The following TMEM255B variants were observed in gnomAD, a reference collection of about 807,000 sequenced individuals.
The protein encoded by TMEM255B is family with sequence similarity 70, member B.
Under a neutral mutation model 34.5 loss-of-function variants are expected in TMEM255B, and 35 were observed. That is an observed-to-expected ratio of 1.01 (90% CI 0.77 to 1.34). The LOEUF (loss-of-function observed/expected upper bound fraction) is 1.34. Ranked by LOEUF, TMEM255B falls within the 40% of genes most tolerant of loss-of-function variation. The pLI is 0.00. For missense variants in TMEM255B, 432 were observed against 433.2 expected, an observed-to-expected ratio of 1.00 and a Z score of 0.02; for synonymous variants, 206 against 201.2, an observed-to-expected ratio of 1.02 and a Z score of -0.20.
At chr13:113,776,432 G>A (rs1398833948) in intron 3 of TMEM255B, among the ~76,000 whole-genome samples, 13 of 152,290 alleles carry the variant, frequency 8.5e-5, no homozygotes, top group African/African-American at 3.1e-4. Flanking sequence ...TCTGCGGGCG[G>A]CACCTGCTTC....
At chr13:113,781,181 T>C (rs948906657) in intron 3 of TMEM255B, among the ~76,000 whole-genome samples, 18 of 152,230 alleles carry the variant, frequency 1.2e-4, no homozygotes, top group Non-Finnish European at 1.0e-4. Context: ...TTTATAACTC[T>C]TTACAATTTT....
chr13:113,762,526 G>A (rs2050325474), intron 1 of TMEM255B, among the ~76,000 whole-genome samples: 1 of 152,206 alleles, frequency 6.6e-6, no homozygotes, highest in Non-Finnish European at 1.5e-5. Flanking sequence ...TTAGACTCAG[G>A]AAAGAGGGGT....
intron 1 of TMEM255B, among the ~76,000 whole-genome samples, chr13:113,759,824 C>T (rs1386800362): frequency 1.3e-5 from 2 of 152,198 alleles, no homozygotes; most frequent in African/African-American, 4.8e-5. Flanking sequence ...GGTTTCGGCT[C>T]GCCCCTCTCT....
At chr13:113,782,737 A>G (rs935383295) in intron 3 of TMEM255B, among the ~76,000 whole-genome samples, 9 of 151,482 alleles carry the variant, frequency 5.9e-5, no homozygotes, top group African/African-American at 2.2e-4. Flanking sequence ...GGAGCCGTCC[A>G]TTTTCCAGTG....
intron 4 of TMEM255B, among the ~76,000 whole-genome samples, chr13:113,796,911 G>A (rs957488689): frequency 1.3e-4 from 20 of 152,044 alleles, no homozygotes; most frequent in African/African-American, 3.6e-4. Flanking sequence ...ACACACGTGC[G>A]TGCGCACGCA....
chr13:113,784,809 G>T (rs561338828), intron 3 of TMEM255B, among the ~76,000 whole-genome samples: 3 of 151,862 alleles, frequency 2.0e-5, no homozygotes, highest in African/African-American at 7.2e-5. Context: ...AGCCTGGGAC[G>T]AGCTGCCACT....
At chr13:113,811,182 GGT>G (rs1164384959) in intron 8 of TMEM255B, among the ~76,000 whole-genome samples, 1 of 119,752 alleles carries the variant, frequency 8.4e-6, no homozygotes, top group African/African-American at 3.3e-5. Context: ...GGGTCTGTGG[GGT>G]GGGGGCCAGT....
intron 2 of TMEM255B, chr13:113,768,272 G>GT (rs1390214626): frequency 2.1e-6 from 1 of 467,322 alleles, no homozygotes; most frequent in Non-Finnish European, 4.5e-6. Flanking sequence ...TTCGGTGGGT[G>GT]TTGCTGAAAT....
intron 7 of TMEM255B, among the ~76,000 whole-genome samples, chr13:113,803,919 C>CG (rs71105214): frequency 6.7e-6 from 1 of 150,006 alleles, no homozygotes; most frequent in Non-Finnish European, 1.5e-5. Context: ...ACCGTGTCCC[C>CG]GGGTTGTCAC....
intron 8 of TMEM255B, among the ~76,000 whole-genome samples, chr13:113,810,212 C>T (rs985929603): frequency 1.2e-4 from 19 of 152,176 alleles, no homozygotes; most frequent in Admixed American, 8.5e-4. Flanking sequence ...ACCCTGCAGG[C>T]TGGGGCAAGA....
At chr13:113,782,718 T>A (rs932865354) in intron 3 of TMEM255B, among the ~76,000 whole-genome samples, 6 of 151,528 alleles carry the variant, frequency 4.0e-5, no homozygotes, top group African/African-American at 1.5e-4. Context: ...GGGGAAGGTG[T>A]CCCTGTTGGG....
chr13:113,812,225 A>T lies in TMEM255B; in HGVS notation c.*322A>T. The T allele has an allele frequency of 2.6e-6, 1 of 379,088 alleles. No individual in the cohort carries two copies. Among genetic ancestry groups the T allele is most frequent in the Middle Eastern group, 7.4e-4 (1 of 1,352 alleles). The allele number at this position is 379,088 out of a possible 1,614,324, so 23.5% of individuals were successfully genotyped here. On this transcript the variant is annotated 3_prime_UTR_variant, in exon 9 of 9. Transcript: ENST00000375353. ...CCTTAATTAATTAGCTATTATTATG[A>T]TTTTGCAAAGACAGTGCAGCCCCGG...
intron 2 of TMEM255B, chr13:113,768,027 A>C (rs1461413126): frequency 2.8e-6 from 1 of 359,682 alleles, no homozygotes; most frequent in South Asian, 2.2e-5. Context: ...CACCACAGAC[A>C]CACAGACAAT....
At chr13:113,788,486 C>A (rs1463126266) in intron 3 of TMEM255B, among the ~76,000 whole-genome samples, 1 of 151,942 alleles carries the variant, frequency 6.6e-6, no homozygotes, top group Non-Finnish European at 1.5e-5. Flanking sequence ...CGTGGCCTGG[C>A]ACTGGCGCAG....
chr13:113,798,833 G>A (rs2050990408), intron 4 of TMEM255B, among the ~76,000 whole-genome samples: 1 of 152,176 alleles, frequency 6.6e-6, no homozygotes, highest in African/African-American at 2.4e-5. Context: ...GTAGAGGATG[G>A]AAGGAAGAAT....
chr13:113,779,266 T>C (rs1188311245), intron 3 of TMEM255B, among the ~76,000 whole-genome samples: 2 of 152,226 alleles, frequency 1.3e-5, no homozygotes, highest in African/African-American at 2.4e-5. Context: ...TTGTCCAAGA[T>C]GGCGATGTTC....
chr13:113,800,629 T>C lies in TMEM255B; in HGVS notation c.424-198T>C, dbSNP rs571437536. Among the ~76,000 whole-genome samples, 8 of 152,228 alleles carry C rather than the reference T, an allele frequency of 5.3e-5. No homozygotes were observed. The East Asian group carries it at 1.5e-3, about 29-fold the overall frequency. On this transcript the variant is annotated intron_variant, in intron 5 of 8. Coordinates refer to ENST00000375353, the MANE Select transcript of TMEM255B (RefSeq NM_182614.4). ...GGCCTCTGGGACCAGCCTGTGCCCC[T>C]GACCCCTCCTGCAGGAAGGGTCCTG... is the stretch of plus-strand genomic sequence containing the variant.
intron 2 of TMEM255B, 166 bp downstream of exon 2, chr13:113,766,423 A>G (rs773460221): frequency 7.8e-5 from 76 of 979,468 alleles, no homozygotes; most frequent in Admixed American, 2.8e-4. Context: ...GCACTTCCCA[A>G]TCCCCAGGAC....
At position 113,783,419 on chromosome 13, in the gene TMEM255B, A is replaced by G. The variant is rs185739266; in HGVS notation, c.253-11729A>G. Among the ~76,000 whole-genome samples, 3 of 152,266 alleles carry G rather than the reference A, an allele frequency of 2.0e-5. No individual in the cohort carries two copies. The East Asian group carries it at 5.8e-4, about 29-fold the overall frequency. On this transcript the variant is annotated intron_variant, in intron 3 of 8. Transcript: ENST00000375353. Reference sequence around the variant, plus strand: ...TGCGTCGGCCTCAGCTGAATGCCATATGCTCCTTTTCATCAGGAGTGAGGG... The same window carrying G: ...TGCGTCGGCCTCAGCTGAATGCCATGTGCTCCTTTTCATCAGGAGTGAGGG...
Sources: gnomAD v4.1 joint callset for allele counts (sites outside exome capture counted in the v4.1 genomes callset) on GRCh38, gnomAD v4.1.1 for gene constraint, MANE v1.5 for transcripts, NCBI Gene and HGNC (gene_info 2026-07-23, HGNC 2026-07-21) for gene names.